DTWD2: variants seen among roughly 807,000 people sequenced by gnomAD.
DTWD2 encodes the protein DTW motif tRNA-uridine aminocarboxypropyltransferase 2, also known as tRNA-uridine aminocarboxypropyltransferase 2.
DTWD2 carries 39 observed loss-of-function variants against 31.8 expected under a neutral mutation model. That is an observed-to-expected ratio of 1.22 (90% CI 0.95 to 1.60). DTWD2 has a LOEUF of 1.60. DTWD2 is among the 40% of genes most tolerant of loss of function. The pLI, the probability that DTWD2 is intolerant of heterozygous loss-of-function variation, is 0.00. For missense variants in DTWD2, 515 were observed against 381.5 expected (o/e 1.35, Z -2.92); for synonymous variants, 180 against 142.8 (o/e 1.26, Z -1.86).
At chr5:118,964,013 C>G (rs1754767566) in intron 1 of DTWD2, among the ~76,000 whole-genome samples, 1 of 152,064 alleles carries the variant, frequency 6.6e-6, no homozygotes, top group Non-Finnish European at 1.5e-5. Flanking sequence ...TGTTCAAGAC[C>G]AGCCTGGCCA....
At chr5:118,978,482 C>G (rs753663149) in intron 1 of DTWD2, among the ~76,000 whole-genome samples, 9 of 152,082 alleles carry the variant, frequency 5.9e-5, no homozygotes, top group Non-Finnish European at 1.3e-4. Context: ...ACCCATCTGA[C>G]AAAGGTCTAA....
In DTWD2 at chr5:118,849,957, G is replaced by C. The variant is rs539486173; in HGVS notation, c.598-1739C>G. ...TGGGTTGAGCAAACCACCACGGCAC[G>C]TGTATACCTATGTAGCAAACCTGCA... On this transcript the variant is annotated intron_variant, in intron 4 of 5. Transcript: ENST00000510708. Among the ~76,000 whole-genome samples the C allele has an allele frequency of 2.0e-5, 3 of 151,698 alleles. No homozygotes were observed. The East Asian group carries it at 5.8e-4, about 29-fold the overall frequency.
intron 1 of DTWD2, among the ~76,000 whole-genome samples, chr5:118,979,320 T>C (rs1425971085): frequency 6.6e-6 from 1 of 151,436 alleles, no homozygotes; most frequent in Non-Finnish European, 1.5e-5. Context: ...AATAAATAAA[T>C]AAATAATAAA....
At chr5:118,964,575 G>A (rs987164235) in intron 1 of DTWD2, among the ~76,000 whole-genome samples, 21 of 152,194 alleles carry the variant, frequency 1.4e-4, no homozygotes, top group Admixed American at 6.5e-4. Context: ...GAATGCCTGC[G>A]ATTGCAGGCG....
At chr5:118,856,725 G>C (rs892995652) in intron 4 of DTWD2, among the ~76,000 whole-genome samples, 1 of 143,544 alleles carries the variant, frequency 7.0e-6, no homozygotes, top group Non-Finnish European at 1.5e-5. Flanking sequence ...AGTTTATAAA[G>C]CTATTTTATA....
At chr5:118,924,753 T>C (rs568412741) in intron 4 of DTWD2, among the ~76,000 whole-genome samples, 1 of 152,362 alleles carries the variant, frequency 6.6e-6, no homozygotes, top group Admixed American at 6.5e-5. Context: ...AGAAACAGTA[T>C]ACCACTGTGG....
chr5:118,978,298 T>G (rs1206810923), intron 1 of DTWD2, among the ~76,000 whole-genome samples: 2 of 152,022 alleles, frequency 1.3e-5, no homozygotes, highest in Non-Finnish European at 2.9e-5. Context: ...GCAATACCAT[T>G]CAGGACGTTG....
chr5:118,942,205 T>C (rs1366359143), intron 2 of DTWD2, among the ~76,000 whole-genome samples: 1 of 152,180 alleles, frequency 6.6e-6, no homozygotes, highest in East Asian at 1.9e-4. Context: ...AGATGAAAAC[T>C]GGAAAATTCC....
chr5:118,934,648 G>T (rs1753997651), intron 3 of DTWD2, among the ~76,000 whole-genome samples: 1 of 151,910 alleles, frequency 6.6e-6, no homozygotes, highest in Non-Finnish European at 1.5e-5. Flanking sequence ...CATAAAAGAG[G>T]AACAAAAGAT....
chr5:118,950,068 G>A (rs1436220248), intron 1 of DTWD2, among the ~76,000 whole-genome samples: 1 of 151,942 alleles, frequency 6.6e-6, no homozygotes, highest in Non-Finnish European at 1.5e-5. Context: ...AAATTAGCTG[G>A]GCATGGTGGC....
At chr5:118,880,962 A>G (rs1368622571) in intron 4 of DTWD2, among the ~76,000 whole-genome samples, 1 of 152,208 alleles carries the variant, frequency 6.6e-6, no homozygotes, top group Admixed American at 6.5e-5. Flanking sequence ...TATCAGCAAA[A>G]CGTGTTGCAT....
intron 2 of DTWD2, among the ~76,000 whole-genome samples, chr5:118,940,287 C>A (rs978091327): frequency 5.9e-5 from 9 of 152,204 alleles, no homozygotes; most frequent in Non-Finnish European, 8.8e-5. Flanking sequence ...GGTTTTAGGA[C>A]ATTTTCCAAT....
intron 4 of DTWD2, among the ~76,000 whole-genome samples, chr5:118,924,975 T>C (rs888679846): frequency 6.6e-6 from 1 of 152,208 alleles, no homozygotes; most frequent in Non-Finnish European, 1.5e-5. Context: ...GCCTGCTCCA[T>C]CAAAGCACTC....
intron 1 of DTWD2, chr5:118,974,107 G>T: frequency 6.3e-7 from 1 of 1,591,498 alleles, no homozygotes; most frequent in South Asian, 1.1e-5. Flanking sequence ...AGAAGCAGAA[G>T]ACCGACGAGG....
At chr5:118,977,201 C>G (rs1048492342) in intron 1 of DTWD2, among the ~76,000 whole-genome samples, 6 of 152,104 alleles carry the variant, frequency 3.9e-5, no homozygotes, top group Non-Finnish European at 8.8e-5. Context: ...ATAATAAGAG[C>G]TATTTATGAC....
At chr5:118,844,301 T>A (rs1751796100) in intron 5 of DTWD2, among the ~76,000 whole-genome samples, 1 of 152,320 alleles carries the variant, frequency 6.6e-6, no homozygotes, top group East Asian at 1.9e-4. Context: ...GCCACATCTA[T>A]CTTTAAAAAT....
chr5:118,926,340 A>G (rs970176039), intron 4 of DTWD2, among the ~76,000 whole-genome samples: 4 of 152,158 alleles, frequency 2.6e-5, no homozygotes, highest in Non-Finnish European at 4.4e-5. Flanking sequence ...TATAAGTGGG[A>G]GCTAAGCTAT....
intron 1 of DTWD2, among the ~76,000 whole-genome samples, chr5:118,959,810 T>C (rs1365057498): frequency 1.3e-5 from 2 of 152,166 alleles, no homozygotes; most frequent in East Asian, 3.9e-4. Flanking sequence ...AACCCTCTGA[T>C]CTTCAACAAA....
At chr5:118,968,994 T>C (rs1362694120) in intron 1 of DTWD2, among the ~76,000 whole-genome samples, 1 of 152,184 alleles carries the variant, frequency 6.6e-6, no homozygotes, top group Non-Finnish European at 1.5e-5. Context: ...TGCCGGCTCC[T>C]CTGGGGAGTC....
Sources: allele counts gnomAD v4.1 joint callset (sites outside exome capture counted in the v4.1 genomes callset), GRCh38; gene constraint gnomAD v4.1.1; transcripts MANE v1.5; gene names NCBI Gene and HGNC (gene_info 2026-07-23, HGNC 2026-07-21).